The following NEXMIF variants were observed in gnomAD, a reference collection of about 807,000 sequenced individuals.
NEXMIF encodes the protein neurite extension and migration factor.
Under a neutral mutation model 62.1 loss-of-function variants are expected in NEXMIF, and 8 were observed. The observed-to-expected ratio is 0.13, with a 90% CI of 0.08 to 0.23. NEXMIF has a LOEUF of 0.23. NEXMIF is among the 10% of genes least tolerant of loss of function. The pLI, the probability that NEXMIF is intolerant of heterozygous loss-of-function variation, is 1.00. For missense variants in NEXMIF, 976 were observed against 1,113.3 expected (o/e 0.88, Z 1.75); for synonymous variants, 404 against 416.6 (o/e 0.97, Z 0.37).
intron 1 of NEXMIF, among the ~76,000 whole-genome samples, chrX:74,811,058 A>G (rs2080358974): frequency 8.9e-6 from 1 of 111,832 alleles, no homozygotes; most frequent in Admixed American, 9.5e-5. Flanking sequence ...TCCATATTCT[A>G]CAAGAGAGAA....
At chrX:74,856,674 C>G (rs748259727) in intron 1 of NEXMIF, among the ~76,000 whole-genome samples, 19 of 111,347 alleles carry the variant, frequency 1.7e-4, no homozygotes, top group African/African-American at 5.9e-4. Flanking sequence ...TATCTACACA[C>G]AAAAAAGCAC....
chrX:74,878,900 A>G (rs1245243830), intron 1 of NEXMIF, among the ~76,000 whole-genome samples: 1 of 112,391 alleles, frequency 8.9e-6, no homozygotes, highest in African/African-American at 3.2e-5. Flanking sequence ...GGCACTCCCA[A>G]TGAGATGAAC....
chrX:74,804,947 T>C (rs2080340573), intron 1 of NEXMIF, among the ~76,000 whole-genome samples: 1 of 112,010 alleles, frequency 8.9e-6, no homozygotes, highest in Non-Finnish European at 1.9e-5. Flanking sequence ...CCCCTCTCAC[T>C]AGGATTAATT....
chrX:74,903,376 A>G (rs1352450602), intron 1 of NEXMIF, among the ~76,000 whole-genome samples: 1 of 107,287 alleles, frequency 9.3e-6, no homozygotes, highest in Non-Finnish European at 1.9e-5. Flanking sequence ...ACACACACAC[A>G]CACACACACA....
chrX:74,742,568 A>G lies in NEXMIF; in HGVS notation c.1989T>C (p.Ser663=). The G allele has an allele frequency of 8.3e-7, 1 of 1,209,104 alleles. No homozygotes were observed. Among genetic ancestry groups the G allele is most frequent in the Non-Finnish European group, 1.1e-6 (1 of 893,996 alleles). The change falls in exon 3 of 4, where the codon AGT becomes AGC. Residue 663 remains serine (S), a synonymous_variant. Coordinates refer to ENST00000055682, the MANE Select transcript of NEXMIF (RefSeq NM_001008537.3). The part of the protein sequence containing the change: ...ISLCNDQRHA[S]NHKEDGGLKG... ...TTAGGCCTCCATCTTCTTTATGATT[A>G]CTAGCGTGCCTCTGATCATTACATA...
chrX:74,780,094 A>G (rs2080241634), intron 1 of NEXMIF, among the ~76,000 whole-genome samples: 1 of 112,440 alleles, frequency 8.9e-6, no homozygotes, highest in Non-Finnish European at 1.9e-5. Flanking sequence ...TTCGTTTGGG[A>G]ACTTCACCAA....
intron 1 of NEXMIF, among the ~76,000 whole-genome samples, chrX:74,821,054 A>AT (rs746532590): frequency 1.4e-4 from 16 of 110,391 alleles, no homozygotes; most frequent in South Asian, 3.9e-4. Flanking sequence ...GAAATAAGTA[A>AT]TTTTTTTTGC....
chrX:74,912,555 G>A (rs958968270), intron 1 of NEXMIF, among the ~76,000 whole-genome samples: 6 of 111,163 alleles, frequency 5.4e-5, no homozygotes, highest in African/African-American at 2.0e-4. Flanking sequence ...AACCAGATGA[G>A]TTCTCTGTGC....
intron 1 of NEXMIF, among the ~76,000 whole-genome samples, chrX:74,874,391 T>C (rs1343601024): frequency 4.6e-5 from 5 of 108,703 alleles, no homozygotes; most frequent in Non-Finnish European, 9.5e-5. Context: ...TTTTGGTTAC[T>C]GTAGCCTTGT....
chrX:74,863,295 A>G (rs778359193), intron 1 of NEXMIF, among the ~76,000 whole-genome samples: 7 of 111,461 alleles, frequency 6.3e-5, no homozygotes, highest in Non-Finnish European at 1.9e-5. Flanking sequence ...AGTGAACTGA[A>G]GGAGATAGAG....
intron 1 of NEXMIF, among the ~76,000 whole-genome samples, chrX:74,912,366 T>C (rs182051019): frequency 3.5e-3 from 388 of 111,764 alleles, no homozygotes; most frequent in Admixed American, 6.6e-3. Flanking sequence ...GTCATGGAGG[T>C]CAAGTATGTT....
chrX:74,883,221 A>G (rs749833488), intron 1 of NEXMIF, among the ~76,000 whole-genome samples: 2 of 111,575 alleles, frequency 1.8e-5, no homozygotes, highest in South Asian at 7.6e-4. Flanking sequence ...AAAACCGGAA[A>G]CTCTAAAAAT....
At chrX:74,784,218 G>A (rs2080254404) in intron 1 of NEXMIF, among the ~76,000 whole-genome samples, 1 of 111,762 alleles carries the variant, frequency 8.9e-6, no homozygotes, top group Admixed American at 9.6e-5. Flanking sequence ...TTTCTAGGAA[G>A]CACCTGCCTA....
At chrX:74,769,093 G>GT (rs111585131) in intron 1 of NEXMIF, among the ~76,000 whole-genome samples, 224 of 104,158 alleles carry the variant, frequency 2.2e-3, no homozygotes, top group South Asian at 0.012. Flanking sequence ...CTGATCTATA[G>GT]TTTTTTTTTT....
chrX:74,740,918 G>A lies in NEXMIF; in HGVS notation c.3639C>T (p.Gly1213=). The A allele has an allele frequency of 8.3e-7, 1 of 1,211,717 alleles. No individual in the cohort carries two copies. The highest frequency in any genetic ancestry group is 1.1e-6 in the Non-Finnish European group (1 of 895,337). ...GNNKGIEKPP[G]KNSRQVPKST... is the part of the protein sequence containing the mutation. Reference sequence around the variant, plus strand: ...ACTTAGGGACCTGGCGGGAGTTTTTGCCAGGTGGTTTTTCAATCCCCTTGT... The same window carrying A: ...ACTTAGGGACCTGGCGGGAGTTTTTACCAGGTGGTTTTTCAATCCCCTTGT... Residue 1213 remains glycine, a synonymous_variant, in exon 3 of 4, where the codon GGC becomes GGT. Transcript: ENST00000055682.
chrX:74,844,381 C>T lies in NEXMIF; in HGVS notation c.-48+80502G>A, dbSNP rs2080484533. Reference sequence around the variant, plus strand: ...GATATTCTGAAATATGTTTCCCAGCCAACCTGGGATTTTAAATGATGATTA... The same window carrying T: ...GATATTCTGAAATATGTTTCCCAGCTAACCTGGGATTTTAAATGATGATTA... On this transcript the variant is annotated intron_variant, in intron 1 of 3. Transcript: ENST00000055682. Among the ~76,000 whole-genome samples the T allele has an allele frequency of 3.6e-5, 4 of 111,546 alleles. 1 individual carries two copies. In the South Asian group the frequency reaches 1.5e-3, roughly 42 times the overall value.
chrX:74,833,503 T>A (rs2080445932), intron 1 of NEXMIF, among the ~76,000 whole-genome samples: 1 of 111,881 alleles, frequency 8.9e-6, no homozygotes. Context: ...AGGCAATGGA[T>A]CATGGGGTCT....
intron 1 of NEXMIF, among the ~76,000 whole-genome samples, chrX:74,910,293 C>T (rs747364623): frequency 5.2e-4 from 59 of 112,552 alleles, no homozygotes; most frequent in Non-Finnish European, 9.4e-4. Flanking sequence ...CTTGCATCAG[C>T]GTGACCTGGA....
intron 1 of NEXMIF, among the ~76,000 whole-genome samples, chrX:74,832,638 T>C (rs1215322532): frequency 1.8e-5 from 2 of 111,781 alleles, no homozygotes. Context: ...GCTCCGATCA[T>C]TATTTCTTTC....
Sources: allele counts gnomAD v4.1 joint callset (sites outside exome capture counted in the v4.1 genomes callset), GRCh38; gene constraint gnomAD v4.1.1; transcripts MANE v1.5; gene names NCBI Gene and HGNC (gene_info 2026-07-23, HGNC 2026-07-21).